TMLHE: variants seen among roughly 807,000 people sequenced by gnomAD.
TMLHE encodes trimethyllysine dioxygenase, mitochondrial.
Under a neutral mutation model 25.7 loss-of-function variants are expected in TMLHE, and 18 were observed. The ratio of observed to expected loss-of-function variants is 0.70; its 90% CI spans 0.48 to 1.04. The LOEUF (loss-of-function observed/expected upper bound fraction) is 1.04. Among genes scored for constraint, TMLHE ranks in the 50% least tolerant of loss-of-function variants. The pLI is 0.00. For synonymous variants in TMLHE, 105 were observed against 97.0 expected, an observed-to-expected ratio of 1.08 and a Z score of -0.49; for missense variants, 236 against 259.0, an observed-to-expected ratio of 0.91 and a Z score of 0.61.
At chrX:155,574,035 G>A (rs1321447018) in intron 1 of TMLHE, among the ~76,000 whole-genome samples, 10 of 106,453 alleles carry the variant, frequency 9.4e-5, no homozygotes, top group Non-Finnish European at 1.7e-4. Flanking sequence ...ACACACACAC[G>A]AAACTCATAT....
intron 1 of TMLHE, among the ~76,000 whole-genome samples, chrX:155,575,839 A>G (rs2067586014): frequency 8.9e-6 from 1 of 112,253 alleles, no homozygotes; most frequent in Admixed American, 9.5e-5. Flanking sequence ...CACTGGAGGA[A>G]GATGCCTCAA....
chrX:155,600,137 G>A (rs985462891), intron 1 of TMLHE, among the ~76,000 whole-genome samples: 4 of 111,525 alleles, frequency 3.6e-5, no homozygotes, highest in Non-Finnish European at 5.6e-5. Context: ...TAAATTGAGA[G>A]AACAGTATAT....
intron 1 of TMLHE, among the ~76,000 whole-genome samples, chrX:155,591,279 A>G (rs1241920476): frequency 8.9e-6 from 1 of 112,007 alleles, no homozygotes; most frequent in Non-Finnish European, 1.9e-5. Context: ...TAATGGATAT[A>G]ACAAAAAGAA....
chrX:155,574,510 C>A (rs1480968386), intron 1 of TMLHE, among the ~76,000 whole-genome samples: 1 of 112,033 alleles, frequency 8.9e-6, no homozygotes, highest in Non-Finnish European at 1.9e-5. Context: ...CTAAGCTATG[C>A]TGATACAGAG....
intron 1 of TMLHE, among the ~76,000 whole-genome samples, chrX:155,596,942 T>C (rs917282426): frequency 2.7e-5 from 3 of 109,652 alleles, no homozygotes; most frequent in Non-Finnish European, 5.7e-5. Context: ...GTTTGTTACA[T>C]ATGTATACAT....
chrX:155,538,049 G>A lies in TMLHE; in HGVS notation c.181+7047C>T, dbSNP rs144106082. 2.3e-4 allele frequency among the ~76,000 whole-genome samples: 25 copies of A among 111,067 alleles called. No homozygotes were observed. In the East Asian group the frequency reaches 6.8e-3, roughly 30 times the overall value. On this transcript the variant is annotated intron_variant, in intron 2 of 7. Coordinates refer to ENST00000334398, the MANE Select transcript of TMLHE (RefSeq NM_018196.4). Reference sequence around the variant, plus strand: ...CATCATTAACTATAGTCATTTTGCTGTATGATAGATCTCTTGAAATGTATT... The same window carrying A: ...CATCATTAACTATAGTCATTTTGCTATATGATAGATCTCTTGAAATGTATT...
chrX:155,598,593 C>T (rs1479563682), intron 1 of TMLHE, among the ~76,000 whole-genome samples: 1 of 107,437 alleles, frequency 9.3e-6, no homozygotes, highest in Non-Finnish European at 1.9e-5. Context: ...AGGAGATATA[C>T]CTAACACTAA....
At chrX:155,540,198 C>G (rs1217898462) in intron 2 of TMLHE, among the ~76,000 whole-genome samples, 1 of 109,880 alleles carries the variant, frequency 9.1e-6, no homozygotes, top group African/African-American at 3.3e-5. Context: ...AATAAACAAA[C>G]AACTCCAGTT....
At chrX:155,562,214 T>C (rs1261351351) in intron 1 of TMLHE, among the ~76,000 whole-genome samples, 1 of 61,944 alleles carries the variant, frequency 1.6e-5, no homozygotes, top group South Asian at 9.5e-4. Context: ...CCTCAATTCT[T>C]GCCTTCTGTG....
At position 155,573,358 on chromosome X, in the gene TMLHE, A is replaced by G. The variant is rs782032469; in HGVS notation, c.-1-28081T>C. ...ACAGGTGCTGGAGAGGATGTGGAGA[A>G]ATAGGAACACTTTTACACCGTTGGT... On this transcript the variant is annotated intron_variant, in intron 1 of 7. Transcript: ENST00000334398. Among the ~76,000 whole-genome samples the G allele has an allele frequency of 8.5e-4, 48 of 56,429 alleles. 10 individuals are homozygous for G. The highest frequency in any genetic ancestry group is 1.7e-3 in the African/African-American group (41 of 23,576). 49.0% of individuals were successfully genotyped at this position (56,429 alleles called of 115,157 possible).
intron 1 of TMLHE, among the ~76,000 whole-genome samples, chrX:155,611,054 C>T (rs1159043323): frequency 8.9e-6 from 1 of 111,962 alleles, no homozygotes; most frequent in Non-Finnish European, 1.9e-5. Flanking sequence ...CAGGTTGGCT[C>T]AGCAGATATC....
rs1314983311 is a variant in TMLHE, at chrX:155,568,348, T to C, written c.-1-23071A>G. Among the ~76,000 whole-genome samples the C allele has an allele frequency of 1.6e-4, 10 of 61,303 alleles. 1 individual carries two copies. Among genetic ancestry groups the C allele is most frequent in the African/African-American group, 3.6e-4 (10 of 27,637 alleles). 53.2% of individuals were successfully genotyped at this position (61,303 alleles called of 115,157 possible). A position where few individuals can be genotyped will look rare whatever the true frequency, so the allele number is the denominator to read the frequency against. ...AAGCAGCCGGGAAGCTCGAACTGGG[T>C]GGAGCCCACCACAGTTCAAGGAGGC... On this transcript the variant is annotated intron_variant, in intron 1 of 7. Transcript: ENST00000334398.
At chrX:155,593,868 G>C (rs782816894) in intron 1 of TMLHE, among the ~76,000 whole-genome samples, 9 of 109,594 alleles carry the variant, frequency 8.2e-5, no homozygotes, top group Non-Finnish European at 1.5e-4. Context: ...TGAGCTCAAA[G>C]ACAGAACATT....
At chrX:155,581,381 A>T (rs1003210773) in intron 1 of TMLHE, among the ~76,000 whole-genome samples, 5 of 111,931 alleles carry the variant, frequency 4.5e-5, no homozygotes, top group Non-Finnish European at 9.4e-5. Flanking sequence ...AGGAAGTGAA[A>T]TTGTCCCTGT....
chrX:155,532,549 G>A (rs782561152), intron 2 of TMLHE, among the ~76,000 whole-genome samples: 25 of 111,493 alleles, frequency 2.2e-4, no homozygotes, highest in Admixed American at 5.7e-4. Context: ...TATAGATACT[G>A]AACTTAATTG....
At chrX:155,585,191 A>T (rs1342841683) in intron 1 of TMLHE, among the ~76,000 whole-genome samples, 2 of 111,737 alleles carry the variant, frequency 1.8e-5, no homozygotes, top group Non-Finnish European at 3.8e-5. Flanking sequence ...GATTTTAAAA[A>T]CATGGTCCAA....
chrX:155,533,867 C>G (rs1426637732), intron 2 of TMLHE, among the ~76,000 whole-genome samples: 1 of 111,284 alleles, frequency 9.0e-6, no homozygotes, highest in African/African-American at 3.3e-5. Context: ...CAGTAAAATG[C>G]GAGAAGAGAT....
chrX:155,585,416 AACACACACACACACACACAC>A (rs56160372), intron 1 of TMLHE, among the ~76,000 whole-genome samples: 1 of 96,606 alleles, frequency 1.0e-5, no homozygotes, highest in African/African-American at 3.9e-5. Flanking sequence ...CACACACACA[AACACACACACACACACACAC>A]ACACACACAC....
At chrX:155,532,335 G>A (rs1244881828) in intron 2 of TMLHE, among the ~76,000 whole-genome samples, 2 of 111,955 alleles carry the variant, frequency 1.8e-5, no homozygotes, top group Non-Finnish European at 3.8e-5. Context: ...CTTACGTCCT[G>A]CAGAAAATGT....
Sources: gnomAD v4.1 joint callset for allele counts (sites outside exome capture counted in the v4.1 genomes callset) on GRCh38, gnomAD v4.1.1 for gene constraint, MANE v1.5 for transcripts, NCBI Gene and HGNC (gene_info 2026-07-23, HGNC 2026-07-21) for gene names.